Variants in EPG5 observed in about 807,000 individuals in gnomAD.
EPG5 encodes the protein ectopic P-granules 5 autophagy tethering factor.
In EPG5, 159 loss-of-function variants were observed where a neutral mutation model predicts 302.7. The observed-to-expected ratio is 0.53, with a 90% CI of 0.46 to 0.60. The LOEUF (loss-of-function observed/expected upper bound fraction) is 0.60. Ranked by LOEUF, EPG5 falls within the 20% of genes least tolerant of loss-of-function variation. The probability of loss-of-function intolerance (pLI) is 0.00; values close to 1 mark genes in which losing one functional copy is unlikely to be tolerated. For synonymous variants in EPG5, 1,158 were observed against 1,136.8 expected (o/e 1.02, Z -0.37); for missense variants, 2,896 against 3,092.4 (o/e 0.94, Z 1.51).
chr18:45,804,744 G>A, the EPG5 span, among the ~76,000 whole-genome samples: 1 of 152,162 alleles, frequency 6.6e-6, no homozygotes, highest in African/African-American at 2.4e-5. Flanking sequence ...TTCTTTATCT[G>A]AAGATAAATG....
At chr18:45,888,494 G>A (rs1036758966) in intron 28 of EPG5, among the ~76,000 whole-genome samples, 7 of 151,928 alleles carry the variant, frequency 4.6e-5, no homozygotes, top group East Asian at 1.9e-4. Context: ...TTGTAGAGAC[G>A]GGGTTTCACC....
At chr18:45,937,128 A>C (rs2050546531) in intron 10 of EPG5, among the ~76,000 whole-genome samples, 1 of 151,794 alleles carries the variant, frequency 6.6e-6, no homozygotes, top group African/African-American at 2.4e-5. Flanking sequence ...CAAAGAAGGG[A>C]AATTGTAGAG....
rs1326959928 is a variant in EPG5 at position 45,857,704 on chromosome 18, T to G, written c.7442+149A>C. 2.2e-5 allele frequency: 13 copies of G among 591,328 alleles called. No homozygotes were observed. The East Asian group carries it at 2.9e-4, about 13-fold the overall frequency. The allele number at this position is 591,328 out of a possible 1,614,324, so 36.6% of individuals were successfully genotyped here. A position where few individuals can be genotyped will look rare whatever the true frequency, so the allele number is the denominator to read the frequency against. On this transcript the variant is annotated intron_variant, in intron 42 of 43. Coordinates refer to ENST00000282041, the MANE Select transcript of EPG5 (RefSeq NM_020964.3). ...AATGTAAAGATGTAATCAGGCTCTG[T>G]TTTTTTTTTCTTTTTTTTTTTCCAT... is the stretch of plus-strand genomic sequence containing the variant.
chr18:45,834,717 G>C, the EPG5 span, among the ~76,000 whole-genome samples: 17 of 152,338 alleles, frequency 1.1e-4, no homozygotes, highest in African/African-American at 4.1e-4. Context: ...GTACCCCAGT[G>C]CCTGGCATAA....
intron 28 of EPG5, among the ~76,000 whole-genome samples, chr18:45,888,869 C>T (rs938290408): frequency 1.8e-4 from 27 of 152,132 alleles, no homozygotes; most frequent in Admixed American, 5.9e-4. Flanking sequence ...TGTTATTTAA[C>T]TTTTTGTATT....
chr18:45,920,502 T>C (rs370520851), intron 16 of EPG5, among the ~76,000 whole-genome samples: 10 of 152,334 alleles, frequency 6.6e-5, no homozygotes, highest in African/African-American at 1.9e-4. Context: ...ATTTGAGTCA[T>C]AATTCTGCCG....
At chr18:45,877,322 G>A (rs1024251561) in intron 34 of EPG5, among the ~76,000 whole-genome samples, 1 of 152,208 alleles carries the variant, frequency 6.6e-6, no homozygotes, top group Non-Finnish European at 1.5e-5. Flanking sequence ...AGGGGGCTGA[G>A]GCAGGAGAAT....
At chr18:45,865,557 T>C (rs1026192051) in intron 39 of EPG5, 58 bp downstream of exon 39, 1 of 1,577,198 alleles carries the variant, frequency 6.3e-7, no homozygotes, top group Non-Finnish European at 8.7e-7. Context: ...CACAGTGCCT[T>C]ACGCACAGCA....
the EPG5 span, among the ~76,000 whole-genome samples, chr18:45,836,106 G>A: frequency 3.3e-5 from 5 of 152,224 alleles, no homozygotes; most frequent in Admixed American, 2.6e-4. Flanking sequence ...GTCTGCCAGC[G>A]ATGGGTTAGG....
chr18:45,863,125 T>G (rs1392799109), intron 39 of EPG5, among the ~76,000 whole-genome samples: 1 of 152,224 alleles, frequency 6.6e-6, no homozygotes, highest in African/African-American at 2.4e-5. Context: ...TATGCCAGCT[T>G]TCTATTTTAA....
chr18:45,943,435 T>G (rs2050714587), intron 8 of EPG5, 124 bp from the exon 9 acceptor site: 1 of 748,728 alleles, frequency 1.3e-6, no homozygotes, highest in Non-Finnish European at 2.2e-6. Flanking sequence ...ACAGTCTCAT[T>G]ACTCTGGCTC....
intron 18 of EPG5, 36 bp from the exon 19 acceptor site, chr18:45,916,242 C>A: frequency 1.3e-6 from 2 of 1,573,830 alleles, no homozygotes; most frequent in Non-Finnish European, 8.6e-7. Flanking sequence ...GGAAAGATAA[C>A]AACCAGCCTC....
intron 25 of EPG5, among the ~76,000 whole-genome samples, chr18:45,903,148 A>G (rs1213753609): frequency 6.6e-6 from 1 of 152,190 alleles, no homozygotes; most frequent in Non-Finnish European, 1.5e-5. Context: ...GGAATAGAAA[A>G]ATGAGAATCT....
At position 45,857,988 on chromosome 18, in the gene EPG5, T is replaced by A; in HGVS notation, c.7307A>T (p.Asp2436Val). Reference sequence around the variant, plus strand: ...AATGACAGATTCTGTCAGGACGGAGTCATTCTGCTCTGTCTGAATGAGGGA... The same window carrying A: ...AATGACAGATTCTGTCAGGACGGAGACATTCTGCTCTGTCTGAATGAGGGA... ...QLSLIQTEQN[D>V]SVLTESVIRI... The change falls in exon 42 of 44, where the codon GAC (aspartate) becomes GTC (valine). Residue 2436 changes from aspartate to valine, a missense_variant. Asp to Val is a radical substitution (Grantham distance 152, BLOSUM62 -3). Around this residue, in one of 5 missense-constraint regions of EPG5, gnomAD observed 620 missense variants for 704.2 expected, o/e 0.88. Coordinates refer to ENST00000282041, the MANE Select transcript of EPG5 (RefSeq NM_020964.3). 12 of 1,613,640 alleles carry A rather than the reference T, an allele frequency of 7.4e-6. No homozygotes were observed. Among genetic ancestry groups the A allele is most frequent in the Non-Finnish European group, 1.0e-5 (12 of 1,179,992 alleles).
intron 23 of EPG5, among the ~76,000 whole-genome samples, chr18:45,910,202 T>A (rs2049859279): frequency 6.6e-6 from 1 of 152,126 alleles, no homozygotes; most frequent in Non-Finnish European, 1.5e-5. Context: ...TTGCCCAGGC[T>A]GTCTAGCAGG....
In EPG5 at chr18:45,897,497, T is replaced by G. The variant is rs138532612; in HGVS notation, c.4809+1907A>C. 4.4e-3 allele frequency among the ~76,000 whole-genome samples: 677 copies of G among 152,334 alleles called. 5 individuals carry two copies. Among genetic ancestry groups the G allele is most frequent in the African/African-American group, 0.016 (646 of 41,568 alleles). ...AAATTGGCAAACTTTTCTCCCAGTT[T>G]TATTACTTCAGCAAGCGATCTTTTC... is the stretch of plus-strand genomic sequence containing the variant. On this transcript the variant is annotated intron_variant, in intron 27 of 43. Transcript: ENST00000282041.
At chr18:45,813,785 G>T in the EPG5 span, among the ~76,000 whole-genome samples, 1 of 143,910 alleles carries the variant, frequency 6.9e-6, no homozygotes, top group African/African-American at 2.6e-5. Flanking sequence ...GGAGGGGGAG[G>T]GATAGCATTA....
At position 45,916,042 on chromosome 18, in the gene EPG5, G is replaced by C; in HGVS notation, c.3549C>G (p.Asp1183Glu). 1 of 1,613,694 alleles carries C rather than the reference G, an allele frequency of 6.2e-7. No homozygotes were observed. Among genetic ancestry groups the C allele is most frequent in the Non-Finnish European group, 8.5e-7 (1 of 1,179,990 alleles). Residue 1183 changes from aspartate (D) to glutamate (E), a missense_variant, in exon 19 of 44, where the codon GAC becomes GAG. This residue lies in a region of EPG5 where 1,390 missense variants were observed against 1,430.0 expected (regional missense o/e 0.97). Transcript: ENST00000282041. ...GTTGGTAGAGTAATTTCTGTATGCA[G>C]TCTTCCTGCATCAGCTGAAAAGCTG... ...CKAAFQLMQE[D>E]CIQKLLYQQH...
At chr18:45,959,893 C>T (rs1351894280) in intron 1 of EPG5, among the ~76,000 whole-genome samples, 1 of 152,094 alleles carries the variant, frequency 6.6e-6, no homozygotes, top group Non-Finnish European at 1.5e-5. Context: ...GCAAGAGAAT[C>T]ACTTGAATCT....
Sources: allele counts gnomAD v4.1 joint callset (sites outside exome capture counted in the v4.1 genomes callset), GRCh38; gene constraint gnomAD v4.1.1; regional missense constraint gnomAD v4.1.1; transcripts MANE v1.5; gene names NCBI Gene and HGNC (gene_info 2026-07-23, HGNC 2026-07-21).